The following SPATA16 variants were observed in gnomAD, a reference collection of about 807,000 sequenced individuals.
The protein encoded by SPATA16 is spermatogenesis-associated protein 16.
SPATA16 carries 36 observed loss-of-function variants against 63.3 expected under a neutral mutation model. That is an observed-to-expected ratio of 0.57 (90% CI 0.44 to 0.75). SPATA16 has a LOEUF of 0.75. Among genes scored for constraint, SPATA16 ranks in the 30% least tolerant of loss-of-function variants. The probability of loss-of-function intolerance (pLI) is 0.00; values close to 1 mark genes in which losing one functional copy is unlikely to be tolerated. For synonymous variants in SPATA16, 203 were observed against 216.7 expected, an observed-to-expected ratio of 0.94 and a Z score of 0.56; for missense variants, 646 against 679.3, an observed-to-expected ratio of 0.95 and a Z score of 0.54.
At chr3:173,094,906 G>A (rs558721393) in intron 2 of SPATA16, among the ~76,000 whole-genome samples, 3 of 152,114 alleles carry the variant, frequency 2.0e-5, no homozygotes, top group Non-Finnish European at 4.4e-5. Flanking sequence ...TCACGTTAAT[G>A]TGTGTCCTTT....
chr3:172,907,279 T>C (rs1212191742), intron 10 of SPATA16, among the ~76,000 whole-genome samples: 1 of 152,196 alleles, frequency 6.6e-6, no homozygotes, highest in African/African-American at 2.4e-5. Context: ...CTAGTCTCCC[T>C]CTAAATCAGC....
chr3:172,950,884 A>G (rs893860180), intron 6 of SPATA16, among the ~76,000 whole-genome samples: 3 of 152,118 alleles, frequency 2.0e-5, no homozygotes, highest in African/African-American at 7.2e-5. Flanking sequence ...ATTACTAACC[A>G]CAGATCCATT....
At chr3:172,986,275 T>C (rs1734455294) in intron 4 of SPATA16, among the ~76,000 whole-genome samples, 1 of 152,138 alleles carries the variant, frequency 6.6e-6, no homozygotes, top group Non-Finnish European at 1.5e-5. Context: ...TGGGTCCTGA[T>C]AGGGCCATAT....
chr3:173,024,961 C>T (rs552138061), intron 3 of SPATA16, among the ~76,000 whole-genome samples: 1 of 150,780 alleles, frequency 6.6e-6, no homozygotes, highest in East Asian at 2.0e-4. Flanking sequence ...ATTTTATTCT[C>T]ATTATAGTTT....
rs60818890 is a variant in SPATA16, at chr3:172,999,616, G to T, written c.848+19870C>A. Among the ~76,000 whole-genome samples, 547 of 152,274 alleles carry T rather than the reference G, an allele frequency of 3.6e-3. 6 individuals carry two copies. Among genetic ancestry groups the T allele is most frequent in the Admixed American group, 0.019 (297 of 15,300 alleles). On this transcript the variant is annotated intron_variant, in intron 4 of 10. Coordinates refer to ENST00000351008, the MANE Select transcript of SPATA16 (RefSeq NM_031955.6). ...TTTAGTAGAGATGGGGTTTCACCATGTTGGTCAGGCTGATCTTGAACTCCT... is the reference window on the plus strand; with the variant it reads ...TTTAGTAGAGATGGGGTTTCACCATTTTGGTCAGGCTGATCTTGAACTCCT...
chr3:173,053,375 T>C lies in SPATA16; in HGVS notation c.613-4281A>G, dbSNP rs1487873066. Among the ~76,000 whole-genome samples the C allele has an allele frequency of 5.9e-5, 9 of 151,952 alleles. No homozygotes were observed. In the South Asian group the frequency reaches 1.9e-3, roughly 32 times the overall value. On this transcript the variant is annotated intron_variant, in intron 2 of 10. Transcript: ENST00000351008. ...CTGGGTGACAGACTGAGATTCAGTC[T>C]CTAATAATAATAATAATAATAGTAA...
At chr3:172,936,776 C>T (rs896730786) in intron 6 of SPATA16, among the ~76,000 whole-genome samples, 8 of 152,114 alleles carry the variant, frequency 5.3e-5, no homozygotes, top group African/African-American at 1.4e-4. Context: ...GGCGTGATCT[C>T]GGCTTACTGC....
At chr3:172,950,246 G>C in intron 6 of SPATA16, among the ~76,000 whole-genome samples, 1 of 152,190 alleles carries the variant, frequency 6.6e-6, no homozygotes, top group East Asian at 1.9e-4. Context: ...CAAGTGAACT[G>C]CTGGTTGAGA....
intron 2 of SPATA16, among the ~76,000 whole-genome samples, chr3:173,098,600 T>C (rs771378124): frequency 2.0e-5 from 3 of 152,128 alleles, no homozygotes; most frequent in Non-Finnish European, 2.9e-5. Flanking sequence ...TTTGCCAACA[T>C]GCATGATGAA....
intron 5 of SPATA16, among the ~76,000 whole-genome samples, chr3:172,972,476 A>T (rs986943774): frequency 1.3e-5 from 2 of 152,194 alleles, no homozygotes; most frequent in Admixed American, 6.5e-5. Flanking sequence ...CAATCCAGAG[A>T]AGAGATTTAG....
chr3:172,904,987 G>A lies in SPATA16; in HGVS notation c.1587+8674C>T, dbSNP rs537934703. 3.3e-5 allele frequency among the ~76,000 whole-genome samples: 5 copies of A among 152,168 alleles called. No homozygotes were observed. The South Asian group carries it at 6.2e-4, about 19-fold the overall frequency. ...CAGATCCATTAGTCCCAGGAACCTG[G>A]CCTCTTTCAGCCCCTTGGGTCTTGT... is the stretch of plus-strand genomic sequence containing the variant. On this transcript the variant is annotated intron_variant, in intron 10 of 10. Coordinates refer to ENST00000351008, the MANE Select transcript of SPATA16 (RefSeq NM_031955.6).
chr3:173,139,696 G>C (rs528994938), intron 1 of SPATA16, among the ~76,000 whole-genome samples: 1 of 152,272 alleles, frequency 6.6e-6, no homozygotes, highest in Admixed American at 6.5e-5. Flanking sequence ...GTCTTAATTA[G>C]AAAGAATAGC....
At chr3:172,969,801 C>A (rs1734006328) in intron 5 of SPATA16, among the ~76,000 whole-genome samples, 1 of 152,176 alleles carries the variant, frequency 6.6e-6, no homozygotes, top group African/African-American at 2.4e-5. Context: ...GATCGTGTGG[C>A]TTGCTTTGGC....
At chr3:172,934,461 A>G (rs1292713264) in intron 6 of SPATA16, among the ~76,000 whole-genome samples, 2 of 152,192 alleles carry the variant, frequency 1.3e-5, no homozygotes, top group South Asian at 2.1e-4. Flanking sequence ...TATATTTGCT[A>G]AAAGTAAAGA....
chr3:172,894,519 A>G (rs1731967282), intron 10 of SPATA16, among the ~76,000 whole-genome samples: 1 of 151,104 alleles, frequency 6.6e-6, no homozygotes, highest in Non-Finnish European at 1.5e-5. Flanking sequence ...AAACTATATC[A>G]CCAACTCTTG....
chr3:173,059,891 A>C (rs1284064531), intron 2 of SPATA16, among the ~76,000 whole-genome samples: 2 of 144,554 alleles, frequency 1.4e-5, no homozygotes, highest in Non-Finnish European at 3.0e-5. Context: ...CCTGCACAGA[A>C]AGCCCAGCAT....
At chr3:172,970,713 A>C (rs1433777345) in intron 5 of SPATA16, among the ~76,000 whole-genome samples, 1 of 152,200 alleles carries the variant, frequency 6.6e-6, no homozygotes, top group Non-Finnish European at 1.5e-5. Context: ...CACTAAGAGA[A>C]ATGTTCAGAT....
chr3:172,942,725 T>C (rs1334238498), intron 6 of SPATA16, among the ~76,000 whole-genome samples: 2 of 152,058 alleles, frequency 1.3e-5, no homozygotes, highest in Non-Finnish European at 1.5e-5. Context: ...ATTCCAAAAT[T>C]AAAAAATGAC....
intron 2 of SPATA16, among the ~76,000 whole-genome samples, chr3:173,093,002 A>G (rs919919712): frequency 4.0e-5 from 6 of 151,318 alleles, no homozygotes; most frequent in African/African-American, 1.5e-4. Context: ...ACAAATTGCA[A>G]TTAAAATACA....
Sources: gnomAD v4.1 joint callset for allele counts (sites outside exome capture counted in the v4.1 genomes callset) on GRCh38, gnomAD v4.1.1 for gene constraint, MANE v1.5 for transcripts, NCBI Gene and HGNC (gene_info 2026-07-23, HGNC 2026-07-21) for gene names.